STAU2: variants seen among roughly 807,000 people sequenced by gnomAD.
STAU2 encodes double-stranded RNA-binding protein Staufen homolog 2.
Under a neutral mutation model 65.9 loss-of-function variants are expected in STAU2, and 20 were observed. The ratio of observed to expected loss-of-function variants is 0.30; its 90% CI spans 0.21 to 0.44. The LOEUF is 0.44. Ranked by LOEUF, STAU2 falls within the 20% of genes least tolerant of loss-of-function variation. The pLI, the probability that STAU2 is intolerant of heterozygous loss-of-function variation, is 1.00. For synonymous variants in STAU2, 232 were observed against 233.9 expected, an observed-to-expected ratio of 0.99 and a Z score of 0.07; for missense variants, 558 against 683.9, an observed-to-expected ratio of 0.82 and a Z score of 2.05.
intron 6 of STAU2, among the ~76,000 whole-genome samples, chr8:73,659,983 C>T (rs1374700410): frequency 2.0e-5 from 3 of 151,814 alleles, no homozygotes; most frequent in Non-Finnish European, 4.4e-5. Context: ...GAGAATAATG[C>T]TTAAACTTTT....
At chr8:73,721,000 C>A (rs1821616613) in intron 3 of STAU2, among the ~76,000 whole-genome samples, 1 of 150,932 alleles carries the variant, frequency 6.6e-6, no homozygotes, top group South Asian at 2.1e-4. Context: ...TGTTTCATGG[C>A]CAGGCACCAT....
chr8:73,738,097 G>A (rs1270529143), intron 3 of STAU2, among the ~76,000 whole-genome samples, 187 bp downstream of exon 3: 2 of 152,106 alleles, frequency 1.3e-5, no homozygotes, highest in African/African-American at 4.8e-5. Flanking sequence ...TCAACTTTCA[G>A]AAGATCATTC....
At chr8:73,424,961 T>C (rs1448357904) in intron 13 of STAU2, among the ~76,000 whole-genome samples, 2 of 151,788 alleles carry the variant, frequency 1.3e-5, no homozygotes, top group African/African-American at 2.4e-5. Context: ...GGACCTGGAG[T>C]GCTGCAGGGA....
chr8:73,566,815 C>T (rs77771880), intron 12 of STAU2, among the ~76,000 whole-genome samples: 3,899 of 152,248 alleles, frequency 0.026, 172 homozygotes, highest in African/African-American at 0.084. Flanking sequence ...GTATACCATG[C>T]TTAAAGGATC....
At chr8:73,688,509 T>C in intron 5 of STAU2, 145 bp downstream of exon 5, 2 of 704,902 alleles carry the variant, frequency 2.8e-6, no homozygotes, top group Non-Finnish European at 4.8e-6. Flanking sequence ...TGTGTGTGTG[T>C]GTGTGTGTGT....
intron 6 of STAU2, among the ~76,000 whole-genome samples, chr8:73,639,010 G>C (rs1586172284): frequency 2.1e-5 from 3 of 143,454 alleles, no homozygotes; most frequent in Non-Finnish European, 1.5e-5. Context: ...GATTCCATAA[G>C]AAGATGCCAC....
intron 13 of STAU2, among the ~76,000 whole-genome samples, chr8:73,423,001 A>T (rs1816500509): frequency 6.6e-6 from 1 of 152,218 alleles, no homozygotes; most frequent in Admixed American, 6.5e-5. Flanking sequence ...TTCCATGGTG[A>T]CATTGCATAA....
intron 13 of STAU2, among the ~76,000 whole-genome samples, chr8:73,450,920 G>C (rs1240320406): frequency 6.6e-6 from 1 of 152,198 alleles, no homozygotes; most frequent in Non-Finnish European, 1.5e-5. Context: ...GGCATTTGTA[G>C]TTACCAGCCA....
chr8:73,640,292 C>A (rs1384811075), intron 6 of STAU2, among the ~76,000 whole-genome samples: 1 of 151,548 alleles, frequency 6.6e-6, no homozygotes, highest in Non-Finnish European at 1.5e-5. Flanking sequence ...AAAAAAGAGA[C>A]TAGAACCAGC....
intron 13 of STAU2, among the ~76,000 whole-genome samples, chr8:73,472,544 A>C (rs1480885947): frequency 6.6e-6 from 1 of 152,234 alleles, no homozygotes; most frequent in Non-Finnish European, 1.5e-5. Context: ...AATTACTTAA[A>C]ATATAAAATA....
intron 13 of STAU2, chr8:73,527,868 C>A: frequency 2.5e-6 from 1 of 402,544 alleles, no homozygotes; most frequent in South Asian, 3.0e-5. Context: ...GCAAATAGGT[C>A]CTTTTGCAAA....
At chr8:73,551,847 T>C in intron 13 of STAU2, 165 bp downstream of exon 13, 1 of 1,289,278 alleles carries the variant, frequency 7.8e-7, no homozygotes, top group African/African-American at 1.5e-5. Context: ...AAATGAGGCA[T>C]GTGCATATGG....
intron 12 of STAU2, among the ~76,000 whole-genome samples, chr8:73,572,243 T>C (rs971952566): frequency 1.3e-5 from 2 of 152,134 alleles, no homozygotes; most frequent in Non-Finnish European, 2.9e-5. Context: ...GGCTCTGAAA[T>C]TGAGGCAATA....
At chr8:73,590,996 A>T (rs2128967700) in intron 11 of STAU2, 1 of 152,322 alleles carries the variant, frequency 6.6e-6, no homozygotes, top group Admixed American at 6.5e-5. Flanking sequence ...CACTGCCTAC[A>T]GATCTGCTAA....
At chr8:73,682,980 C>T (rs943734558) in intron 5 of STAU2, among the ~76,000 whole-genome samples, 2 of 151,900 alleles carry the variant, frequency 1.3e-5, no homozygotes, top group Admixed American at 1.3e-4. Flanking sequence ...CTGACAACAA[C>T]AATAAAAAAA....
intron 13 of STAU2, among the ~76,000 whole-genome samples, chr8:73,540,823 A>T (rs1169997990): frequency 6.6e-6 from 1 of 152,088 alleles, no homozygotes; most frequent in Admixed American, 6.6e-5. Flanking sequence ...ATGAGTTTTG[A>T]CTTTTTTTTT....
chr8:73,551,161 C>G (rs1378114312), intron 13 of STAU2: 2 of 987,396 alleles, frequency 2.0e-6, no homozygotes, highest in Non-Finnish European at 2.4e-6. Context: ...GAAATCAAGA[C>G]ACAGATATTT....
rs529500432 is a variant in STAU2 at position 73,432,077 on chromosome 8, C to CTGGTTCCCAGAAATAGACAAG, written c.1531-9396_1531-9376dup. Among the ~76,000 whole-genome samples the CTGGTTCCCAGAAATAGACAAG allele has an allele frequency of 3.1e-3, 470 of 152,318 alleles. 2 individuals carry two copies. The highest frequency in any genetic ancestry group is 4.2e-3 in the Non-Finnish European group (289 of 68,034). ...AGTCTTTCCCCACTGACGTCATATT[C>CTGGTTCCCAGAAATAGACAAG]TGGTTCCCAGAAATAGACAAGTAGT... On this transcript the variant is annotated intron_variant, in intron 13 of 14. Transcript: ENST00000524300.
At chr8:73,569,355 C>G (rs1251752825) in intron 12 of STAU2, among the ~76,000 whole-genome samples, 1 of 152,118 alleles carries the variant, frequency 6.6e-6, no homozygotes, top group Non-Finnish European at 1.5e-5. Flanking sequence ...GGAGGCCTGC[C>G]CGCCTCTGTA....
Sources: allele counts gnomAD v4.1 joint callset (sites outside exome capture counted in the v4.1 genomes callset), GRCh38; gene constraint gnomAD v4.1.1; transcripts MANE v1.5; gene names NCBI Gene and HGNC (gene_info 2026-07-23, HGNC 2026-07-21).